Variants in GCNA observed in about 807,000 individuals in gnomAD.
GCNA encodes the protein germ cell nuclear acidic peptidase, also known as germ cell nuclear acidic protein.
GCNA carries 3 observed loss-of-function variants against 38.8 expected under a neutral mutation model. That is an observed-to-expected ratio of 0.08 (90% CI 0.04 to 0.20). GCNA has a LOEUF of 0.20. Ranked by LOEUF, GCNA falls within the 10% of genes least tolerant of loss-of-function variation. The pLI is 1.00. For synonymous variants in GCNA, 195 were observed against 240.2 expected (o/e 0.81, Z 1.74); for missense variants, 446 against 578.6 (o/e 0.77, Z 2.35).
In GCNA at chrX:71,609,064, G is replaced by A. The variant is rs2040790235; in HGVS notation, c.1558G>A (p.Glu520Lys). ...AAAAAATTTAAAGCGAAATAAGGATGAATTGGTTCAGAGAATCTACGACCT... is the reference window on the plus strand; with the variant it reads ...AAAAAATTTAAAGCGAAATAAGGATAAATTGGTTCAGAGAATCTACGACCT... ...SGKNLKRNKDELVQRIYDLFN... is the reference protein window; with the variant it reads ...SGKNLKRNKDKLVQRIYDLFN... The change falls in exon 10 of 13, where the codon GAA becomes AAA. Residue 520 changes from glutamate to lysine, a missense_variant. Glu to Lys is a moderately conservative substitution (Grantham distance 56). This residue lies in a region of GCNA where 160 missense variants were observed against 165.2 expected (regional missense o/e 0.97). Transcript: ENST00000373696. The A allele has an allele frequency of 8.3e-7, 1 of 1,211,431 alleles. No homozygotes were observed. The highest frequency in any genetic ancestry group is 1.1e-6 in the Non-Finnish European group (1 of 895,290).
intron 2 of GCNA, among the ~76,000 whole-genome samples, chrX:71,591,574 C>T (rs765021252): frequency 7.9e-5 from 8 of 101,528 alleles, no homozygotes; most frequent in African/African-American, 1.8e-4. Context: ...TGACTGCAAT[C>T]TCTTCATCCT....
chrX:71,602,629 T>G (rs1229484045), intron 7 of GCNA, among the ~76,000 whole-genome samples: 1 of 111,709 alleles, frequency 9.0e-6, no homozygotes, highest in Non-Finnish European at 1.9e-5. Flanking sequence ...GATTATTAGA[T>G]TTTTTTTTCC....
In GCNA at chrX:71,604,499, G is replaced by A. The variant is rs774688875; in HGVS notation, c.1222G>A (p.Glu408Lys). 1 of 1,198,368 alleles carries A rather than the reference G, an allele frequency of 8.3e-7. No homozygotes were observed. The highest frequency in any genetic ancestry group is 3.0e-5 in the East Asian group (1 of 33,397). The change falls in exon 8 of 13, where the codon GAA (glutamate) becomes AAA (lysine). Residue 408 changes from glutamate to lysine, a missense_variant. By Grantham distance (56) the Glu-to-Lys change is moderately conservative. This residue lies in a region of GCNA where 160 missense variants were observed against 165.2 expected (regional missense o/e 0.97). Coordinates refer to ENST00000373696, the MANE Select transcript of GCNA (RefSeq NM_052957.5). ...TGAGGAAGAGCCTGCACCTGTGGTG[G>A]AACAATCAGGGAAAAGGAAGTCAAA... ...PTEEEPAPVV[E>K]QSGKRKSKTK... is the part of the protein sequence containing the mutation.
At chrX:71,586,949 C>T (rs899630029) in intron 2 of GCNA, among the ~76,000 whole-genome samples, 2 of 111,729 alleles carry the variant, frequency 1.8e-5, no homozygotes, top group Non-Finnish European at 3.8e-5. Context: ...TCCAAGGTGT[C>T]AAGTAGACAG....
chrX:71,588,679 G>T (rs1372048285), intron 2 of GCNA, among the ~76,000 whole-genome samples: 1 of 110,118 alleles, frequency 9.1e-6, no homozygotes, highest in Non-Finnish European at 1.9e-5. Context: ...ATACAAAAAT[G>T]AGCTGGGCGT....
At position 71,603,983 on chromosome X, in the gene GCNA, G is replaced by T. The variant is rs202199167; in HGVS notation, c.706G>T (p.Asp236Tyr). The change falls in exon 8 of 13, where the codon GAC (aspartate) becomes TAC (tyrosine). Residue 236 changes from aspartate to tyrosine, a missense_variant. Physicochemically the swap from Asp to Tyr is radical, Grantham distance 160. Coordinates refer to ENST00000373696, the MANE Select transcript of GCNA (RefSeq NM_052957.5). ...CAGCAGTGATGATTCGGATGTTCCCGACGACAGCAGTGATGATTCGGAAGC... is the reference window on the plus strand; with the variant it reads ...CAGCAGTGATGATTCGGATGTTCCCTACGACAGCAGTGATGATTCGGAAGC... ...DDSSDDSDVPDDSSDDSEAPD... is the reference protein window; with the variant it reads ...DDSSDDSDVPYDSSDDSEAPD... 3 of 1,207,589 alleles carry T rather than the reference G, an allele frequency of 2.5e-6. No individual in the cohort carries two copies. In the African/African-American group the frequency reaches 5.3e-5, roughly 21 times the overall value.
intron 1 of GCNA, among the ~76,000 whole-genome samples, chrX:71,579,168 G>A (rs2040526083): frequency 9.6e-6 from 1 of 104,370 alleles, no homozygotes; most frequent in Non-Finnish European, 2.0e-5. Flanking sequence ...GAGGGCGCTG[G>A]TTGCGGCACT....
intron 9 of GCNA, among the ~76,000 whole-genome samples, chrX:71,606,174 C>T (rs1199290830): frequency 8.9e-6 from 1 of 112,763 alleles, no homozygotes; most frequent in African/African-American, 3.2e-5. Context: ...GCGAAAGCAA[C>T]ACATTAATCT....
chrX:71,578,941 T>C (rs780122516), intron 1 of GCNA, among the ~76,000 whole-genome samples: 1 of 66,067 alleles, frequency 1.5e-5, no homozygotes, highest in Non-Finnish European at 3.0e-5. Flanking sequence ...AGTGGCGGCG[T>C]TGGGGGAAGT....
chrX:71,595,200 G>C (rs1301385380), intron 6 of GCNA, among the ~76,000 whole-genome samples: 6 of 111,974 alleles, frequency 5.4e-5, no homozygotes, highest in Non-Finnish European at 1.1e-4. Context: ...GAGTTCTGGT[G>C]ATTCTTCTCC....
At chrX:71,608,330 T>G (rs761280105) in intron 9 of GCNA, among the ~76,000 whole-genome samples, 50 of 112,300 alleles carry the variant, frequency 4.5e-4, no homozygotes, top group African/African-American at 1.6e-3. Context: ...TGGAGTGCAG[T>G]GGCGCGATCT....
chrX:71,590,658 G>A (rs2040620489), intron 2 of GCNA, among the ~76,000 whole-genome samples: 1 of 110,795 alleles, frequency 9.0e-6, no homozygotes, highest in Admixed American at 9.6e-5. Context: ...TAGGCCAAAT[G>A]AAAAGCCGTA....
At chrX:71,609,830 G>C (rs1353258575) in intron 10 of GCNA, among the ~76,000 whole-genome samples, 1 of 111,892 alleles carries the variant, frequency 8.9e-6, no homozygotes, top group Non-Finnish European at 1.9e-5. Flanking sequence ...GACTGGATTG[G>C]AGAAAATCTG....
In GCNA at chrX:71,594,367, C is replaced by T. The variant is rs2040654305; in HGVS notation, c.177C>T (p.Thr59=). 3 of 1,203,428 alleles carry T rather than the reference C, an allele frequency of 2.5e-6. No homozygotes were observed. Among genetic ancestry groups the T allele is most frequent in the Non-Finnish European group, 3.4e-6 (3 of 889,149 alleles). The part of the protein sequence containing the change: ...ILNVQSRSGD[T]SGSSVARRAP... ...ATGTCCAGTCAAGGAGTGGTGACAC[C>T]AGTGGGTCTTGTAAGTAGAGTCCAC... Residue 59 remains threonine, a synonymous_variant, in exon 5 of 13, where the codon ACC becomes ACT. Coordinates refer to ENST00000373696, the MANE Select transcript of GCNA (RefSeq NM_052957.5).
In GCNA at chrX:71,603,931, G is replaced by A; in HGVS notation, c.654G>A (p.Lys218=). The part of the protein sequence containing the change: ...NSDDSDVPDD[K]SDDSDVPDDS... Reference sequence around the variant, plus strand: ...ATGATTCGGATGTTCCCGACGACAAGAGTGATGATTCGGATGTTCCCGACG... The same window carrying A: ...ATGATTCGGATGTTCCCGACGACAAAAGTGATGATTCGGATGTTCCCGACG... Residue 218 remains lysine (K), a synonymous_variant, in exon 8 of 13, where the codon AAG becomes AAA. Transcript: ENST00000373696. 5 of 1,198,546 alleles carry A rather than the reference G, an allele frequency of 4.2e-6. No individual in the cohort carries two copies. The highest frequency in any genetic ancestry group is 5.6e-6 in the Non-Finnish European group (5 of 890,713).
At chrX:71,607,700 C>T (rs2040778496) in intron 9 of GCNA, among the ~76,000 whole-genome samples, 2 of 112,122 alleles carry the variant, frequency 1.8e-5, no homozygotes, top group African/African-American at 6.5e-5. Context: ...GTCACTTGAC[C>T]CCTGAGCACA....
rs948848810 is a variant in GCNA at position 71,606,927 on chromosome X, G to A, written c.1466+1198G>A. On this transcript the variant is annotated intron_variant, in intron 9 of 12. Coordinates refer to ENST00000373696, the MANE Select transcript of GCNA (RefSeq NM_052957.5). ...TGCATTATCCAAAGGAGGCTAGCCC[G>A]TTTGGACTCTTAACTGTTGTTTAGC... 2.7e-5 allele frequency among the ~76,000 whole-genome samples: 3 copies of A among 112,045 alleles called. No homozygotes were observed. The Admixed American group carries it at 2.8e-4, about 11-fold the overall frequency.
At chrX:71,581,978 A>G (rs2040549428) in intron 2 of GCNA, among the ~76,000 whole-genome samples, 1 of 107,305 alleles carries the variant, frequency 9.3e-6, no homozygotes. Context: ...CTCTCTGGGA[A>G]AAAAAAAAAT....
chrX:71,592,066 G>A (rs1226086944), intron 2 of GCNA, 56 bp from the exon 3 acceptor site: 1 of 799,715 alleles, frequency 1.3e-6, no homozygotes. Context: ...TTGATAATTG[G>A]TTGCTTATGG....
Sources: allele counts gnomAD v4.1 joint callset (sites outside exome capture counted in the v4.1 genomes callset), GRCh38; gene constraint gnomAD v4.1.1; regional missense constraint gnomAD v4.1.1; transcripts MANE v1.5; gene names NCBI Gene and HGNC (gene_info 2026-07-23, HGNC 2026-07-21).